The following FIG4 variants were observed in gnomAD, a reference collection of about 807,000 sequenced individuals.
FIG4 encodes the protein polyphosphoinositide phosphatase.
Under a neutral mutation model 118.6 loss-of-function variants are expected in FIG4, and 112 were observed. The observed-to-expected ratio is 0.94, with a 90% CI of 0.81 to 1.11. The LOEUF is 1.11. Ranked by LOEUF, FIG4 falls within the 50% of genes least tolerant of loss-of-function variation. The pLI is 0.00. For missense variants in FIG4, 969 were observed against 1,111.7 expected (o/e 0.87, Z 1.83); for synonymous variants, 369 against 381.2 (o/e 0.97, Z 0.37).
At chr6:109,749,104 T>TGTGTGTGTGTGTGTG (rs1203351746) in intron 10 of FIG4, among the ~76,000 whole-genome samples, 11 of 143,682 alleles carry the variant, frequency 7.7e-5, no homozygotes, top group African/African-American at 1.8e-4. Context: ...TGTGTGTGTG[T>TGTGTGTGTGTGTGTG]TTTAAATCAA....
chr6:109,743,905 A>C, intron 10 of FIG4, 133 bp downstream of exon 10: 1 of 750,070 alleles, frequency 1.3e-6, no homozygotes, highest in Non-Finnish European at 2.4e-6. Flanking sequence ...ATGCTGGGAC[A>C]GCTCACTGTG....
chr6:109,751,793 A>G (rs1776707506), intron 10 of FIG4, among the ~76,000 whole-genome samples: 1 of 121,996 alleles, frequency 8.2e-6, no homozygotes, highest in Admixed American at 8.5e-5. Flanking sequence ...TGTCTATTTG[A>G]TTCTTCTCTC....
chr6:109,702,315 T>G (rs145712298), intron 1 of FIG4, among the ~76,000 whole-genome samples: 2 of 152,346 alleles, frequency 1.3e-5, no homozygotes, highest in Non-Finnish European at 2.9e-5. Context: ...ATTTCACATA[T>G]ATATTTTAGA....
intron 22 of FIG4, among the ~76,000 whole-genome samples, chr6:109,800,125 A>G (rs530242597): frequency 3.3e-5 from 5 of 152,192 alleles, no homozygotes; most frequent in South Asian, 4.1e-4. Context: ...TGATACAGCT[A>G]GCAAGTAGAG....
intron 15 of FIG4, 32 bp from the exon 16 acceptor site, chr6:109,776,890 G>A: frequency 8.3e-6 from 13 of 1,562,414 alleles, no homozygotes; most frequent in Non-Finnish European, 1.1e-5. Flanking sequence ...CATCAGTAAT[G>A]GATTTTCTGA....
At chr6:109,699,490 T>G (rs1392837358) in intron 1 of FIG4, among the ~76,000 whole-genome samples, 1 of 151,732 alleles carries the variant, frequency 6.6e-6, no homozygotes, top group Non-Finnish European at 1.5e-5. Context: ...CGCGGTTTTT[T>G]TTTGTTTGTT....
chr6:109,743,882 C>T (rs1315816043), intron 10 of FIG4, 110 bp downstream of exon 10: 10 of 816,332 alleles, frequency 1.2e-5, no homozygotes, highest in Admixed American at 5.5e-5. Flanking sequence ...AGTGGAGAGA[C>T]GTGCAGATTA....
intron 17 of FIG4, chr6:109,785,903 G>T (rs1777939019): frequency 3.2e-6 from 1 of 313,612 alleles, no homozygotes; most frequent in Non-Finnish European, 6.4e-6. Context: ...GAAAGGAAAG[G>T]GTTTTAACTA....
At chr6:109,721,099 G>A (rs538644973) in intron 3 of FIG4, among the ~76,000 whole-genome samples, 14 of 152,262 alleles carry the variant, frequency 9.2e-5, no homozygotes, top group African/African-American at 3.4e-4. Context: ...CTAGTATGTT[G>A]AAGGGGAGTG....
chr6:109,726,539 C>T (rs965492114), intron 3 of FIG4, among the ~76,000 whole-genome samples: 10 of 152,020 alleles, frequency 6.6e-5, no homozygotes, highest in African/African-American at 2.4e-4. Flanking sequence ...AGTGTGATGC[C>T]TCCAGCTTTG....
At chr6:109,778,933 G>A (rs1285563993) in intron 16 of FIG4, among the ~76,000 whole-genome samples, 1 of 152,042 alleles carries the variant, frequency 6.6e-6, no homozygotes, top group African/African-American at 2.4e-5. Flanking sequence ...TGTTGCTTCA[G>A]GAATATTTAA....
intron 21 of FIG4, among the ~76,000 whole-genome samples, chr6:109,793,101 T>TA (rs759488498): frequency 6.6e-6 from 1 of 152,250 alleles, no homozygotes; most frequent in Non-Finnish European, 1.5e-5. Context: ...TTGATTTATA[T>TA]ACAGAGTTAA....
At chr6:109,818,163 A>G (rs900815915) in intron 22 of FIG4, among the ~76,000 whole-genome samples, 1 of 151,994 alleles carries the variant, frequency 6.6e-6, no homozygotes, top group African/African-American at 2.4e-5. Flanking sequence ...AGTACAGAAC[A>G]GTAAGACATT....
At chr6:109,800,756 T>C (rs561369275) in intron 22 of FIG4, among the ~76,000 whole-genome samples, 11 of 152,280 alleles carry the variant, frequency 7.2e-5, no homozygotes, top group Admixed American at 1.3e-4. Flanking sequence ...GAACACTTTT[T>C]AGTTCTTTCT....
chr6:109,713,649 G>A (rs1775339768), intron 1 of FIG4, among the ~76,000 whole-genome samples: 2 of 152,278 alleles, frequency 1.3e-5, no homozygotes, highest in South Asian at 4.1e-4. Flanking sequence ...GCACTGGTAG[G>A]GCAAGGAAGA....
intron 10 of FIG4, among the ~76,000 whole-genome samples, chr6:109,751,937 A>G (rs930222500): frequency 5.4e-5 from 8 of 148,308 alleles, no homozygotes; most frequent in Non-Finnish European, 1.2e-4. Flanking sequence ...TGCTGCACCC[A>G]TTAACTCGTC....
rs1336280554 is a variant in FIG4 at position 109,760,392 on chromosome 6, T to C, written c.1271+9T>C. ...GCCAAGTATACCAAAAGGTGAATGA[T>C]ACTCATCTGTCTGGCTATGATCGTT... On this transcript the variant is annotated intron_variant, in intron 11 of 22. Transcript: ENST00000230124. 1.9e-6 allele frequency: 3 copies of C among 1,609,962 alleles called. No individual in the cohort carries two copies. The highest frequency in any genetic ancestry group is 2.5e-6 in the Non-Finnish European group (3 of 1,176,530).
intron 1 of FIG4, among the ~76,000 whole-genome samples, chr6:109,695,683 C>T (rs1309726833): frequency 6.6e-6 from 1 of 152,054 alleles, no homozygotes; most frequent in Non-Finnish European, 1.5e-5. Context: ...ACCACTGCCA[C>T]CTGTTGGTAG....
intron 10 of FIG4, among the ~76,000 whole-genome samples, chr6:109,748,538 G>A (rs1005057945): frequency 9.9e-5 from 15 of 152,130 alleles, no homozygotes; most frequent in African/African-American, 3.6e-4. Flanking sequence ...TAATGAATTG[G>A]TGTAAGATGT....
Sources: gnomAD v4.1 joint callset for allele counts (sites outside exome capture counted in the v4.1 genomes callset) on GRCh38, gnomAD v4.1.1 for gene constraint, MANE v1.5 for transcripts, NCBI Gene and HGNC (gene_info 2026-07-23, HGNC 2026-07-21) for gene names.